The following PHF21B variants were observed in gnomAD, a reference collection of about 807,000 sequenced individuals.
PHF21B encodes PHD finger protein 4.
Under a neutral mutation model 62.2 loss-of-function variants are expected in PHF21B, and 22 were observed. That is an observed-to-expected ratio of 0.35 (90% CI 0.25 to 0.51). The LOEUF (loss-of-function observed/expected upper bound fraction) is 0.51, where lower values mean the gene tolerates loss of function less well. Ranked by LOEUF, PHF21B falls within the 20% of genes least tolerant of loss-of-function variation. The probability of loss-of-function intolerance (pLI) is 0.97; values close to 1 mark genes in which losing one functional copy is unlikely to be tolerated. For synonymous variants in PHF21B, 341 were observed against 314.7 expected (o/e 1.08, Z -0.88); for missense variants, 701 against 707.9 (o/e 0.99, Z 0.11).
At chr22:44,945,439 T>C (rs1316012928) in intron 2 of PHF21B, among the ~76,000 whole-genome samples, 3 of 152,176 alleles carry the variant, frequency 2.0e-5, no homozygotes, top group African/African-American at 4.8e-5. Context: ...TGGGTGGGAA[T>C]TGAGAGTACA....
intron 9 of PHF21B, among the ~76,000 whole-genome samples, chr22:44,889,280 G>A (rs907359625): frequency 4.0e-5 from 6 of 148,454 alleles, no homozygotes; most frequent in Admixed American, 1.3e-4. Context: ...CGGGTAGGGG[G>A]TAGGGGGTAG....
chr22:44,940,240 C>A (rs1382702461), intron 2 of PHF21B, among the ~76,000 whole-genome samples: 2 of 152,228 alleles, frequency 1.3e-5, no homozygotes, highest in Admixed American at 6.5e-5. Context: ...CCTGTCCACA[C>A]CCTCCAGCCA....
At chr22:44,895,647 C>T (rs993878505) in intron 6 of PHF21B, among the ~76,000 whole-genome samples, 13 of 152,122 alleles carry the variant, frequency 8.5e-5, no homozygotes, top group East Asian at 1.9e-4. Flanking sequence ...GTGGTGGGAC[C>T]GGGCAGTCTG....
chr22:44,929,433 T>A (rs2071697623), intron 2 of PHF21B, among the ~76,000 whole-genome samples: 1 of 152,120 alleles, frequency 6.6e-6, no homozygotes, highest in African/African-American at 2.4e-5. Context: ...GGCGAGTGCA[T>A]GTGAAAATCC....
intron 2 of PHF21B, chr22:45,001,721 C>T (rs1042063567): frequency 1.1e-4 from 16 of 152,342 alleles, no homozygotes; most frequent in African/African-American, 3.6e-4. Context: ...GTGGAATTAA[C>T]CTGAGCTGTT....
At chr22:44,895,357 G>A (rs1456473972) in intron 6 of PHF21B, among the ~76,000 whole-genome samples, 1 of 152,134 alleles carries the variant, frequency 6.6e-6, no homozygotes, top group Non-Finnish European at 1.5e-5. Flanking sequence ...TGATGTTCAC[G>A]GCCCATGTGA....
intron 2 of PHF21B, among the ~76,000 whole-genome samples, chr22:44,930,151 G>A (rs2071711865): frequency 6.6e-6 from 1 of 152,242 alleles, no homozygotes; most frequent in Non-Finnish European, 1.5e-5. Flanking sequence ...CATCCGCTCA[G>A]GCAAAGCCAG....
intron 6 of PHF21B, among the ~76,000 whole-genome samples, chr22:44,894,208 T>C (rs962386961): frequency 2.6e-5 from 4 of 152,184 alleles, no homozygotes; most frequent in Admixed American, 6.5e-5. Flanking sequence ...TTCTGTGGAA[T>C]AACACAGGGT....
intron 3 of PHF21B, among the ~76,000 whole-genome samples, chr22:44,919,352 G>T (rs4823418): frequency 0.53 from 81,337 of 152,140 alleles, 22,855 homozygotes; most frequent in African/African-American, 0.72. Flanking sequence ...TCTTAAAACA[G>T]TACGAGAGTT....
chr22:44,899,733 C>T (rs993609055), intron 5 of PHF21B, among the ~76,000 whole-genome samples: 1 of 150,848 alleles, frequency 6.6e-6, no homozygotes, highest in Non-Finnish European at 1.5e-5. Context: ...TATGTTTATT[C>T]TTGGCATTTA....
At chr22:45,007,817 G>A (rs914641855) in intron 2 of PHF21B, among the ~76,000 whole-genome samples, 1 of 151,492 alleles carries the variant, frequency 6.6e-6, no homozygotes, top group East Asian at 2.0e-4. Context: ...GGGCTCTGGC[G>A]GCGGCATCTG....
intron 2 of PHF21B, among the ~76,000 whole-genome samples, chr22:44,982,429 G>C (rs545622829): frequency 1.3e-5 from 2 of 152,288 alleles, no homozygotes; most frequent in South Asian, 4.1e-4. Context: ...CCACAGATGA[G>C]AAACCTGGGG....
intron 2 of PHF21B, among the ~76,000 whole-genome samples, chr22:44,984,176 T>A (rs1459871926): frequency 1.4e-5 from 2 of 141,004 alleles, no homozygotes; most frequent in Non-Finnish European, 3.1e-5. Context: ...ATCATCACCA[T>A]CACAACCACC....
In PHF21B at chr22:45,009,783, C is replaced by G. The variant is rs1274792927; in HGVS notation, c.-234G>C. 1 of 264,920 alleles carries G rather than the reference C, an allele frequency of 3.8e-6. No homozygotes were observed. The highest frequency in any genetic ancestry group is 2.3e-5 in the African/African-American group (1 of 43,884). 16.4% of individuals were successfully genotyped at this position (264,920 alleles called of 1,614,324 possible). A position where few individuals can be genotyped will look rare whatever the true frequency, so the allele number is the denominator to read the frequency against. On this transcript the variant is annotated 5_prime_UTR_variant, in exon 1 of 13. Coordinates refer to ENST00000313237, the MANE Select transcript of PHF21B (RefSeq NM_138415.5). This position sits in a 1 kb window ranked among gnomAD's most constrained non-coding sequence, Gnocchi z 5.9. Reference sequence around the variant, plus strand: ...TGCCCCAACTCCTCAGGCTGCCCGGCAAGTTGCGCCGGGTCCCCGGGCTGC... The same window carrying G: ...TGCCCCAACTCCTCAGGCTGCCCGGGAAGTTGCGCCGGGTCCCCGGGCTGC...
At chr22:45,002,211 C>T (rs1468736905) in intron 2 of PHF21B, among the ~76,000 whole-genome samples, 1 of 152,086 alleles carries the variant, frequency 6.6e-6, no homozygotes, top group East Asian at 1.9e-4. Flanking sequence ...TGACATATAT[C>T]AATATACAAA....
At chr22:44,967,440 C>A (rs1464439598) in intron 2 of PHF21B, among the ~76,000 whole-genome samples, 2 of 152,114 alleles carry the variant, frequency 1.3e-5, no homozygotes, top group Non-Finnish European at 2.9e-5. Flanking sequence ...CCAGGATAGT[C>A]TCGATCTCCT....
At chr22:44,992,324 G>A (rs1432422522) in intron 2 of PHF21B, among the ~76,000 whole-genome samples, 2 of 152,246 alleles carry the variant, frequency 1.3e-5, no homozygotes, top group Non-Finnish European at 2.9e-5. Context: ...GAACTGACGG[G>A]GACGGGGTGC....
At position 44,885,291 on chromosome 22, in the gene PHF21B, G is replaced by A. The variant is rs544192675; in HGVS notation, c.1377+135C>T. On this transcript the variant is annotated intron_variant, in intron 12 of 12. Transcript: ENST00000313237. ...AATGACACGCCTGCCTGTCCACCAG[G>A]CCCTGGCTCCTTCCTGCACTGCTGA... is the stretch of plus-strand genomic sequence containing the variant. 1.0e-4 allele frequency: 79 copies of A among 763,282 alleles called. No individual in the cohort carries two copies. In the South Asian group the frequency reaches 1.5e-3, roughly 15 times the overall value. The allele number at this position is 763,282 out of a possible 1,614,324, so 47.3% of individuals were successfully genotyped here. A position where few individuals can be genotyped will look rare whatever the true frequency, so the allele number is the denominator to read the frequency against.
At chr22:44,933,268 C>T (rs2071778504) in intron 2 of PHF21B, among the ~76,000 whole-genome samples, 1 of 152,180 alleles carries the variant, frequency 6.6e-6, no homozygotes, top group South Asian at 2.1e-4. Context: ...TGTGCCACCA[C>T]GCCTGGCTAA....
Sources: gnomAD v4.1 joint callset for allele counts (sites outside exome capture counted in the v4.1 genomes callset) on GRCh38, gnomAD v4.1.1 for gene constraint, Gnocchi (gnomAD v3.1) non-coding constraint, MANE v1.5 for transcripts, NCBI Gene and HGNC (gene_info 2026-07-23, HGNC 2026-07-21) for gene names.